C2CD2: variants seen among roughly 807,000 people sequenced by gnomAD.
C2CD2 encodes the protein C2 calcium dependent domain containing 2.
In C2CD2, 43 loss-of-function variants were observed where a neutral mutation model predicts 74.3. That is an observed-to-expected ratio of 0.58 (90% confidence interval 0.45 to 0.75). The LOEUF (loss-of-function observed/expected upper bound fraction) is 0.75. C2CD2 is among the 30% of genes least tolerant of loss of function. C2CD2 has a pLI of 0.00. For synonymous variants in C2CD2, 422 were observed against 390.7 expected, an observed-to-expected ratio of 1.08 and a Z score of -0.94; for missense variants, 801 against 916.3, an observed-to-expected ratio of 0.87 and a Z score of 1.63.
At chr21:41,893,470 T>A (rs965656806) in intron 13 of C2CD2, among the ~76,000 whole-genome samples, 2 of 152,196 alleles carry the variant, frequency 1.3e-5, no homozygotes, top group Non-Finnish European at 2.9e-5. Flanking sequence ...AAAAAGATGG[T>A]AGACAAGAAA....
chr21:41,915,911 G>A (rs950479057), intron 5 of C2CD2, among the ~76,000 whole-genome samples: 30 of 152,136 alleles, frequency 2.0e-4, no homozygotes, highest in Admixed American at 1.9e-3. Context: ...CGGAGGTGGC[G>A]CCAGCCCCCA....
rs755425019 is a variant in C2CD2, at chr21:41,907,673, G to C, written c.1130C>G (p.Ser377Trp). ...GCCTCGCCCTACCTCTGCCGTGACC[G>C]AGCCCAGCACCGAGCTGCCGCAGGC... ...GSACGSSVLG[S>W]VTAEFSYMEP... The change falls in exon 9 of 14, where the codon TCG (serine) becomes TGG (tryptophan). Residue 377 changes from serine to tryptophan, a missense_variant. Transcript: ENST00000380486. 2 of 1,611,308 alleles carry C rather than the reference G, an allele frequency of 1.2e-6. No homozygotes were observed. Among genetic ancestry groups the C allele is most frequent in the African/African-American group, 2.7e-5 (2 of 74,854 alleles).
At chr21:41,928,249 G>A (rs1378084849) in intron 2 of C2CD2, among the ~76,000 whole-genome samples, 1 of 152,114 alleles carries the variant, frequency 6.6e-6, no homozygotes, top group Non-Finnish European at 1.5e-5. Context: ...CGAAACCTCG[G>A]GGCCACCACA....
At chr21:41,907,609 G>C (rs1448911861) in intron 9 of C2CD2, 51 bp downstream of exon 9, 1 of 1,586,576 alleles carries the variant, frequency 6.3e-7, no homozygotes, top group Non-Finnish European at 8.6e-7. Context: ...GACGCTCCTT[G>C]GGTAAGTGCC....
chr21:41,888,473 T>C lies in C2CD2; in HGVS notation c.*651A>G, dbSNP rs1174994421. On this transcript the variant is annotated 3_prime_UTR_variant, in exon 14 of 14. Coordinates refer to ENST00000380486, the MANE Select transcript of C2CD2 (RefSeq NM_015500.2). ...AGTAAACTTAGAAAAGTGTTCTGCA[T>C]ACTATGCATAGGATATAGTTAGTGT... The C allele has an allele frequency of 1.3e-5, 2 of 153,010 alleles. No individual in the cohort carries two copies. The highest frequency in any genetic ancestry group is 4.8e-5 in the African/African-American group (2 of 41,462). 9.5% of individuals were successfully genotyped at this position (153,010 alleles called of 1,614,324 possible). A position where few individuals can be genotyped will look rare whatever the true frequency, so the allele number is the denominator to read the frequency against.
intron 6 of C2CD2, among the ~76,000 whole-genome samples, chr21:41,912,995 G>A (rs1304982404): frequency 1.3e-5 from 2 of 152,178 alleles, no homozygotes; most frequent in Non-Finnish European, 2.9e-5. Flanking sequence ...TTGACCCCAA[G>A]TACCTCGCCC....
chr21:41,912,647 C>T (rs1320056786), intron 6 of C2CD2, among the ~76,000 whole-genome samples: 4 of 152,128 alleles, frequency 2.6e-5, no homozygotes, highest in Non-Finnish European at 4.4e-5. Context: ...CACGCCTCCA[C>T]GCTCAGCTAA....
rs2064761373 is a variant in C2CD2 at position 41,892,025 on chromosome 21, T to C, written c.1871-2681A>G. Among the ~76,000 whole-genome samples, 1 of 150,394 alleles carries C rather than the reference T, an allele frequency of 6.6e-6. No homozygotes were observed. ...CATATGTTACAGTCCTAATCCCCAG[T>C]ACTTCACAGAATGTGACCTTATTTG... On this transcript the variant is annotated intron_variant, in intron 13 of 13. Coordinates refer to ENST00000380486, the MANE Select transcript of C2CD2 (RefSeq NM_015500.2). The surrounding 1 kb of genome is among the most constrained non-coding windows in gnomAD (Gnocchi z 4.6).
intron 1 of C2CD2, among the ~76,000 whole-genome samples, chr21:41,943,744 C>A (rs1056142618): frequency 6.6e-6 from 1 of 152,194 alleles, no homozygotes; most frequent in Non-Finnish European, 1.5e-5. Flanking sequence ...CCCAATGACC[C>A]GCGTAAACCT....
chr21:41,908,244 T>TGTGTGTGTGTGTGTGTGTGTGG, intron 8 of C2CD2: 1 of 43,908 alleles, frequency 2.3e-5, no homozygotes, highest in South Asian at 3.2e-4. Flanking sequence ...ACCCTCAAGT[T>TGTGTGTGTGTGTGTGTGTGTGG]GTGTGTGTGT....
intron 2 of C2CD2, among the ~76,000 whole-genome samples, chr21:41,931,107 GGTGCAT>G (rs1271957381): frequency 6.6e-6 from 1 of 150,524 alleles, no homozygotes; most frequent in Non-Finnish European, 1.5e-5. Context: ...AAATGCACTC[GGTGCAT>G]GTTGGGACTA....
At chr21:41,916,571 C>T (rs889432752) in intron 5 of C2CD2, among the ~76,000 whole-genome samples, 1 of 151,768 alleles carries the variant, frequency 6.6e-6, no homozygotes, top group African/African-American at 2.4e-5. Context: ...GCTTCAGACT[C>T]GAACTAGAAT....
intron 13 of C2CD2, 131 bp downstream of exon 13, chr21:41,898,922 G>T: frequency 4.1e-6 from 3 of 725,934 alleles, no homozygotes; most frequent in Non-Finnish European, 7.2e-6. Flanking sequence ...TTCTGGAGGG[G>T]CAGGGGTGAG....
In C2CD2 at chr21:41,887,377, C is replaced by T. The variant is rs951848831; in HGVS notation, c.*1747G>A. 1 of 151,966 alleles carries T rather than the reference C, an allele frequency of 6.6e-6. No individual in the cohort carries two copies. Among genetic ancestry groups the T allele is most frequent in the Non-Finnish European group, 1.5e-5 (1 of 68,000 alleles). 9.4% of individuals were successfully genotyped at this position (151,966 alleles called of 1,614,324 possible). On this transcript the variant is annotated 3_prime_UTR_variant, in exon 14 of 14. Transcript: ENST00000380486. The stretch of plus-strand genomic sequence containing the variant: ...AAGTCACTTGATAATTCCTGGAACA[C>T]CTAAGAAGTTTGTAATGCGCATTTT...
chr21:41,885,500 T>G lies in C2CD2; in HGVS notation c.*3624A>C, dbSNP rs754286965. The G allele has an allele frequency of 6.5e-6, 1 of 152,726 alleles. No homozygotes were observed. Among genetic ancestry groups the G allele is most frequent in the East Asian group, 1.9e-4 (1 of 5,196 alleles). The allele number at this position is 152,726 out of a possible 1,614,324, so 9.5% of individuals were successfully genotyped here. ...GACCCAAGTTAACCTGAGTTTGCTC[T>G]GCAGGATTCCGCGGGGGCCTTGCCC... On this transcript the variant is annotated 3_prime_UTR_variant, in exon 14 of 14. Coordinates refer to ENST00000380486, the MANE Select transcript of C2CD2 (RefSeq NM_015500.2).
intron 13 of C2CD2, among the ~76,000 whole-genome samples, chr21:41,890,255 C>T (rs1393136535): frequency 6.6e-6 from 1 of 152,166 alleles, no homozygotes; most frequent in Non-Finnish European, 1.5e-5. Context: ...CATATTTGGC[C>T]TACAAAACGT....
intron 1 of C2CD2, among the ~76,000 whole-genome samples, chr21:41,948,585 G>A (rs1242729045): frequency 6.6e-6 from 1 of 152,282 alleles, no homozygotes; most frequent in East Asian, 1.9e-4. Flanking sequence ...ACGGTGGAGG[G>A]TGCAGGGTTC....
Position 41,905,799 on chromosome 21 carries a change from C to T in C2CD2, c.1357G>A (p.Glu453Lys), listed in dbSNP as rs750064009. Residue 453 changes from glutamate to lysine, a missense_variant, in exon 11 of 14, where the codon GAG (glutamate) becomes AAG (lysine). By Grantham distance (56) the Glu-to-Lys change is moderately conservative (BLOSUM62 1). Transcript: ENST00000380486. ...VKTPIKVKVI[E>K]KDISVQAIAC... ...ATGGCCTGGACAGAGATGTCCTTCTCGATCACCTTCACCTTGATGGGAGTC... is the reference window on the plus strand; with the variant it reads ...ATGGCCTGGACAGAGATGTCCTTCTTGATCACCTTCACCTTGATGGGAGTC... The T allele has an allele frequency of 2.5e-6, 4 of 1,610,442 alleles. No individual in the cohort carries two copies. The highest frequency in any genetic ancestry group is 1.1e-5 in the South Asian group (1 of 91,010).
rs922498570 is a variant in C2CD2 at position 41,903,121 on chromosome 21, G to C, written c.1433-1372C>G. On this transcript the variant is annotated intron_variant, in intron 11 of 13. Transcript: ENST00000380486. This position sits in a 1 kb window ranked among gnomAD's most constrained non-coding sequence, Gnocchi z 4.5. ...GTGAACCAACGCATGCACGTACTGG[G>C]AAAGGGGCGACTCCACGGAGATCAA... is the stretch of plus-strand genomic sequence containing the variant. Among the ~76,000 whole-genome samples, 21 of 152,172 alleles carry C rather than the reference G, an allele frequency of 1.4e-4. No homozygotes were observed. Among genetic ancestry groups the C allele is most frequent in the African/African-American group, 4.6e-4 (19 of 41,438 alleles).
Sources: gnomAD v4.1 joint callset for allele counts (sites outside exome capture counted in the v4.1 genomes callset) on GRCh38, gnomAD v4.1.1 for gene constraint, Gnocchi (gnomAD v3.1) non-coding constraint, MANE v1.5 for transcripts, NCBI Gene and HGNC (gene_info 2026-07-23, HGNC 2026-07-21) for gene names.